Variants in SGCZ observed in about 807,000 individuals in gnomAD.
SGCZ encodes the protein zeta-sarcoglycan.
Under a neutral mutation model 41.3 loss-of-function variants are expected in SGCZ, and 40 were observed. That is an observed-to-expected ratio of 0.97 (90% CI 0.75 to 1.26). The LOEUF is 1.26. SGCZ is among the 50% of genes most tolerant of loss of function. The pLI, the probability that SGCZ is intolerant of heterozygous loss-of-function variation, is 0.00. For synonymous variants in SGCZ, 206 were observed against 137.5 expected (o/e 1.50, Z -3.49); for missense variants, 552 against 369.8 (o/e 1.49, Z -4.04).
At chr8:14,895,985 C>T (rs537358563) in intron 1 of SGCZ, among the ~76,000 whole-genome samples, 1 of 152,316 alleles carries the variant, frequency 6.6e-6, no homozygotes, top group South Asian at 2.1e-4. Flanking sequence ...CAGGTGAACA[C>T]TACCTGGTAA....
intron 5 of SGCZ, among the ~76,000 whole-genome samples, chr8:14,142,850 C>T (rs1803411844): frequency 6.6e-6 from 1 of 152,070 alleles, no homozygotes; most frequent in Admixed American, 6.6e-5. Flanking sequence ...CTCTCTTCCT[C>T]CTGCCCCAGC....
rs535908264 is a variant in SGCZ at position 14,507,432 on chromosome 8, A to G, written c.234+47300T>C. 8.8e-5 allele frequency among the ~76,000 whole-genome samples: 13 copies of G among 148,056 alleles called. No homozygotes were observed. The Middle Eastern group carries it at 0.011, about 123-fold the overall frequency. On this transcript the variant is annotated intron_variant, in intron 2 of 7. Coordinates refer to ENST00000382080, the MANE Select transcript of SGCZ (RefSeq NM_139167.4). ...AGTCTACCTGTAATTTATTAGATAC[A>G]ATGATCTACACAATATGTCACATGC...
intron 2 of SGCZ, among the ~76,000 whole-genome samples, chr8:14,381,099 A>C (rs1804344756): frequency 6.6e-6 from 1 of 152,174 alleles, no homozygotes; most frequent in Non-Finnish European, 1.5e-5. Context: ...TAGTAAAAAA[A>C]AAATACCTTT....
intron 1 of SGCZ, among the ~76,000 whole-genome samples, chr8:15,014,896 C>A (rs79599081): frequency 4.3e-3 from 651 of 152,316 alleles, no homozygotes; most frequent in Non-Finnish European, 5.7e-3. Flanking sequence ...CTGGCCCAAG[C>A]AGCCTTCTGT....
rs149638215 is a variant in SGCZ, at chr8:14,844,909, A to G, written c.40-289983T>C. Among the ~76,000 whole-genome samples the G allele has an allele frequency of 1.6e-3, 247 of 152,324 alleles. 3 individuals carry two copies. Among genetic ancestry groups the G allele is most frequent in the Admixed American group, 0.014 (211 of 15,288 alleles). On this transcript the variant is annotated intron_variant, in intron 1 of 7. Coordinates refer to ENST00000382080, the MANE Select transcript of SGCZ (RefSeq NM_139167.4). Reference sequence around the variant, plus strand: ...AAGTCTCATCTTACAGCTGTGACAGAGTTTTCAGATGCAGGGAGGGAATAC... The same window carrying G: ...AAGTCTCATCTTACAGCTGTGACAGGGTTTTCAGATGCAGGGAGGGAATAC...
intron 1 of SGCZ, among the ~76,000 whole-genome samples, chr8:14,830,304 T>C (rs1802482295): frequency 6.6e-6 from 1 of 152,198 alleles, no homozygotes; most frequent in Non-Finnish European, 1.5e-5. Flanking sequence ...GTATTATATG[T>C]AACTTATATT....
At chr8:14,398,467 C>T (rs193153049) in intron 2 of SGCZ, among the ~76,000 whole-genome samples, 2 of 152,034 alleles carry the variant, frequency 1.3e-5, no homozygotes, top group Non-Finnish European at 2.9e-5. Flanking sequence ...ACGTGGCCAG[C>T]CTTTGGCCAA....
intron 1 of SGCZ, among the ~76,000 whole-genome samples, chr8:14,595,082 TAA>T: frequency 6.6e-6 from 1 of 150,412 alleles, no homozygotes; most frequent in Admixed American, 6.6e-5. Flanking sequence ...TACTGTTTCC[TAA>T]TTTGTTATCA....
chr8:14,556,211 T>C (rs913651008), intron 1 of SGCZ, among the ~76,000 whole-genome samples: 1 of 151,784 alleles, frequency 6.6e-6, no homozygotes, highest in African/African-American at 2.4e-5. Context: ...AAAATATAAT[T>C]TTCTATAAGA....
At chr8:14,359,440 G>A (rs1803423759) in intron 2 of SGCZ, among the ~76,000 whole-genome samples, 1 of 151,884 alleles carries the variant, frequency 6.6e-6, no homozygotes, top group African/African-American at 2.4e-5. Context: ...CTTCTTCTCG[G>A]TGCACACATT....
intron 2 of SGCZ, among the ~76,000 whole-genome samples, chr8:14,526,763 T>C (rs1358991650): frequency 1.3e-5 from 2 of 152,096 alleles, no homozygotes; most frequent in Non-Finnish European, 2.9e-5. Context: ...TTCATTCTTC[T>C]GCAGAGGTTT....
At chr8:14,493,084 A>G (rs1354190891) in intron 2 of SGCZ, among the ~76,000 whole-genome samples, 1 of 152,092 alleles carries the variant, frequency 6.6e-6, no homozygotes, top group Non-Finnish European at 1.5e-5. Context: ...ATCCAGAATG[A>G]CTTACTCAAA....
intron 1 of SGCZ, among the ~76,000 whole-genome samples, chr8:15,207,771 G>A (rs1346846411): frequency 6.6e-6 from 1 of 152,080 alleles, no homozygotes; most frequent in Non-Finnish European, 1.5e-5. Context: ...AGAAACCAGA[G>A]CTTTTTTATA....
At chr8:14,212,934 A>G (rs1805865610) in intron 4 of SGCZ, among the ~76,000 whole-genome samples, 1 of 152,140 alleles carries the variant, frequency 6.6e-6, no homozygotes. Flanking sequence ...AAACAAAATG[A>G]TTCTGGATGG....
intron 1 of SGCZ, among the ~76,000 whole-genome samples, chr8:14,825,080 T>C (rs1802253716): frequency 6.6e-6 from 1 of 152,150 alleles, no homozygotes; most frequent in Admixed American, 6.5e-5. Flanking sequence ...TAATATCAGT[T>C]ATTGTCATCA....
intron 2 of SGCZ, among the ~76,000 whole-genome samples, chr8:14,388,901 T>C (rs977926967): frequency 1.3e-5 from 2 of 151,430 alleles, no homozygotes; most frequent in Non-Finnish European, 2.9e-5. Flanking sequence ...AACAAAGGAA[T>C]TAGCATTAAA....
At chr8:14,113,883 T>C (rs1325016613) in intron 5 of SGCZ, among the ~76,000 whole-genome samples, 1 of 152,068 alleles carries the variant, frequency 6.6e-6, no homozygotes, top group Non-Finnish European at 1.5e-5. Context: ...GAACCCCTTC[T>C]TGTTCTCAGC....
chr8:15,222,771 C>T (rs1271122731), intron 1 of SGCZ, among the ~76,000 whole-genome samples: 1 of 150,892 alleles, frequency 6.6e-6, no homozygotes, highest in Non-Finnish European at 1.5e-5. Context: ...GTGTGTGTGT[C>T]TGTGTGTGTG....
intron 3 of SGCZ, among the ~76,000 whole-genome samples, chr8:14,311,364 C>A (rs570140792): frequency 6.6e-6 from 1 of 152,080 alleles, no homozygotes; most frequent in African/African-American, 2.4e-5. Flanking sequence ...CATTCTGCAG[C>A]TGAAGTACTA....
Sources: allele counts gnomAD v4.1 joint callset (sites outside exome capture counted in the v4.1 genomes callset), GRCh38; gene constraint gnomAD v4.1.1; transcripts MANE v1.5; gene names NCBI Gene and HGNC (gene_info 2026-07-23, HGNC 2026-07-21).